ZNF648: variants seen among roughly 807,000 people sequenced by gnomAD.
ZNF648 encodes the protein zinc finger protein 648.
In ZNF648, 1 loss-of-function variant was observed where a neutral mutation model predicts 0.3. The observed-to-expected ratio is 3.90, with a 90% CI of 1.39 to 18.51. The LOEUF (loss-of-function observed/expected upper bound fraction) is 18.51, where lower values mean the gene tolerates loss of function less well. Among genes scored for constraint, ZNF648 ranks in the 30% most tolerant of loss-of-function variants. The pLI, the probability that ZNF648 is intolerant of heterozygous loss-of-function variation, is 0.11. For missense variants in ZNF648, 874 were observed against 769.7 expected, an observed-to-expected ratio of 1.14 and a Z score of -1.60; for synonymous variants, 376 against 326.8, an observed-to-expected ratio of 1.15 and a Z score of -1.62.
intron 1 of ZNF648, among the ~76,000 whole-genome samples, chr1:182,060,483 A>G (rs1666013202): frequency 6.6e-6 from 1 of 152,188 alleles, no homozygotes; most frequent in Non-Finnish European, 1.5e-5. Flanking sequence ...TCTGCTCTGG[A>G]TACAGAAGCC....
At chr1:182,065,653 G>A (rs1249033522), upstream of ZNF648, among the ~76,000 whole-genome samples, 2 of 152,164 alleles carry the variant, frequency 1.3e-5, no homozygotes, top group Non-Finnish European at 2.9e-5. Context: ...GAGACAAGGT[G>A]TACACAAGCC....
intron 1 of ZNF648, among the ~76,000 whole-genome samples, chr1:182,060,730 T>C (rs774128147): frequency 1.1e-4 from 17 of 152,144 alleles, no homozygotes; most frequent in Admixed American, 2.0e-4. Flanking sequence ...GCCAACCTCA[T>C]AGAACTTGCT....
At chr1:182,067,660 G>A in the ZNF648 span, among the ~76,000 whole-genome samples, 2 of 152,154 alleles carry the variant, frequency 1.3e-5, no homozygotes, top group Non-Finnish European at 2.9e-5. Context: ...CCCTTTCCAA[G>A]CTTCTCAAGA....
rs1388508784 is a variant in ZNF648 at position 182,056,807 on chromosome 1, C to G, written c.1204G>C (p.Ala402Pro). Residue 402 changes from alanine (A) to proline (P), a missense_variant, in exon 2 of 2, where the codon GCT becomes CCT. Ala to Pro is a conservative substitution (Grantham distance 27). Coordinates refer to ENST00000339948, the MANE Select transcript of ZNF648 (RefSeq NM_001009992.1). ...FRCPACDREF[A>P]VASRMVEHQR... ...TGCTCCACCATGCGGCTGGCCACAGCGAACTCCCGGTCGCAGGCGGGGCAG... is the reference window on the plus strand; with the variant it reads ...TGCTCCACCATGCGGCTGGCCACAGGGAACTCCCGGTCGCAGGCGGGGCAG... 5 of 1,548,916 alleles carry G rather than the reference C, an allele frequency of 3.2e-6. No individual in the cohort carries two copies. The African/African-American group carries it at 7.0e-5, about 22-fold the overall frequency.
the ZNF648 span, among the ~76,000 whole-genome samples, chr1:182,068,019 T>A: frequency 6.6e-6 from 1 of 152,204 alleles, no homozygotes; most frequent in East Asian, 1.9e-4. Context: ...ACTTTACTGG[T>A]CCTTCTGGGC....
chr1:182,067,263 C>G, the ZNF648 span, among the ~76,000 whole-genome samples: 1 of 152,154 alleles, frequency 6.6e-6, no homozygotes. Flanking sequence ...TGACATCAGG[C>G]TACTTGGGTA....
the ZNF648 span, among the ~76,000 whole-genome samples, chr1:182,068,873 A>G: frequency 6.7e-6 from 1 of 150,352 alleles, no homozygotes; most frequent in African/African-American, 2.5e-5. Context: ...CCATGATCAA[A>G]CCACTGCACT....
chr1:182,068,875 C>T, the ZNF648 span, among the ~76,000 whole-genome samples: 1 of 147,110 alleles, frequency 6.8e-6, no homozygotes, highest in Admixed American at 6.9e-5. Flanking sequence ...ATGATCAAAC[C>T]ACTGCACTCC....
intron 1 of ZNF648, among the ~76,000 whole-genome samples, chr1:182,060,908 C>A (rs946733475): frequency 2.6e-5 from 4 of 152,196 alleles, no homozygotes; most frequent in African/African-American, 9.7e-5. Context: ...GCTCCCCACC[C>A]CACCTCCAGC....
upstream of ZNF648, chr1:182,062,568 C>T (rs1666045669): frequency 6.6e-6 from 1 of 152,000 alleles, no homozygotes; most frequent in African/African-American, 2.4e-5. Context: ...AAAACAGGGA[C>T]CAGGATACTA....
rs1390804798 is a variant in ZNF648, at chr1:182,057,245, C to G, written c.766G>C (p.Gly256Arg). ...EARPYRCLRG[G>R]RAFQKPSKPL... Reference sequence around the variant, plus strand: ...TTGCTGGGCTTCTGAAAGGCCCGCCCGCCCCGCAGGCACCTGTAGGGACGC... The same window carrying G: ...TTGCTGGGCTTCTGAAAGGCCCGCCGGCCCCGCAGGCACCTGTAGGGACGC... Residue 256 changes from glycine to arginine, a missense_variant, in exon 2 of 2, where the codon GGG (glycine) becomes CGG (arginine). Coordinates refer to ENST00000339948, the MANE Select transcript of ZNF648 (RefSeq NM_001009992.1). 2.5e-6 allele frequency: 4 copies of G among 1,572,598 alleles called. No individual in the cohort carries two copies. The highest frequency in any genetic ancestry group is 3.4e-6 in the Non-Finnish European group (4 of 1,165,870).
intron 1 of ZNF648, among the ~76,000 whole-genome samples, chr1:182,061,142 C>T (rs910901267): frequency 2.0e-5 from 3 of 152,232 alleles, no homozygotes; most frequent in Non-Finnish European, 2.9e-5. Context: ...CGCATGCTCT[C>T]GACCACCAGG....
rs990831979 is a variant in ZNF648 at position 182,057,393 on chromosome 1, T to A, written c.618A>T (p.Thr206=). The part of the protein sequence containing the change: ...GSNWDLPTQE[T]HTPAQASATP... ...TGGCCGACGCCTGGGCTGGTGTATG[T>A]GTCTCTTGCGTGGGAAGGTCCCAGT... The change falls in exon 2 of 2, where the codon ACA becomes ACT. Residue 206 remains threonine (T), a synonymous_variant. Coordinates refer to ENST00000339948, the MANE Select transcript of ZNF648 (RefSeq NM_001009992.1). 6.2e-7 allele frequency: 1 copy of A among 1,613,638 alleles called. No homozygotes were observed. Among genetic ancestry groups the A allele is most frequent in the African/African-American group, 1.3e-5 (1 of 74,936 alleles).
Position 182,057,255 on chromosome 1 carries a change from G to A in ZNF648, c.756C>T (p.Cys252=), listed in dbSNP as rs200697185. 2.7e-4 allele frequency: 427 copies of A among 1,580,586 alleles called. 1 individual carries two copies. In the African/African-American group the frequency reaches 5.2e-3, roughly 19 times the overall value. Residue 252 remains cysteine (C), a synonymous_variant, in exon 2 of 2, where the codon TGC becomes TGT. Coordinates refer to ENST00000339948, the MANE Select transcript of ZNF648 (RefSeq NM_001009992.1). ...TCTGAAAGGCCCGCCCGCCCCGCAG[G>A]CACCTGTAGGGACGCGCCTCAGCCT... is the stretch of plus-strand genomic sequence containing the variant. ...GGEAEARPYR[C]LRGGRAFQKP...
chr1:182,067,623 C>T, the ZNF648 span, among the ~76,000 whole-genome samples: 3 of 152,278 alleles, frequency 2.0e-5, no homozygotes, highest in East Asian at 1.9e-4. Context: ...TCTCTGGAGC[C>T]ACTTCTGGAG....
At chr1:182,065,254 T>C (rs550688322), upstream of ZNF648, among the ~76,000 whole-genome samples, 2 of 152,260 alleles carry the variant, frequency 1.3e-5, no homozygotes, top group East Asian at 1.9e-4. Flanking sequence ...GCTTGGCCTT[T>C]GCTTGACTCT....
At position 182,056,990 on chromosome 1, in the gene ZNF648, C is replaced by A. The variant is rs756746888; in HGVS notation, c.1021G>T (p.Gly341Trp). 6.2e-7 allele frequency: 1 copy of A among 1,613,742 alleles called. No homozygotes were observed. ...GEKPYPCPDC[G>W]KAFVRSSDLR... ...TCCGAAGAGCGCACGAAGGCCTTCC[C>A]GCAGTCTGGACACGGGTAGGGTTTC... Residue 341 changes from glycine (G) to tryptophan (W), a missense_variant, in exon 2 of 2, where the codon GGG becomes TGG. By Grantham distance (184) the Gly-to-Trp change is radical. Transcript: ENST00000339948.
chr1:182,056,432 T>C lies in ZNF648; in HGVS notation c.1579A>G (p.Asn527Asp), dbSNP rs116584693. The change falls in exon 2 of 2, where the codon AAC becomes GAC. Residue 527 changes from asparagine to aspartate, a missense_variant. Coordinates refer to ENST00000339948, the MANE Select transcript of ZNF648 (RefSeq NM_001009992.1). Reference sequence around the variant, plus strand: ...TCACACTGGTAGGGCCTCTCTCCGTTGTGCATTCGTATGTGCTGGGCCAAC... The same window carrying C: ...TCACACTGGTAGGGCCTCTCTCCGTCGTGCATTCGTATGTGCTGGGCCAAC... ...SELAQHIRMH[N>D]GERPYQCEDC... is the part of the protein sequence containing the mutation. 491 of 1,614,156 alleles carry C rather than the reference T, an allele frequency of 3.0e-4. 4 individuals are homozygous for C. The African/African-American group carries it at 5.9e-3, about 19-fold the overall frequency.
intron 1 of ZNF648, among the ~76,000 whole-genome samples, chr1:182,058,902 G>A (rs1011832705): frequency 6.6e-6 from 1 of 152,196 alleles, no homozygotes; most frequent in Non-Finnish European, 1.5e-5. Context: ...TTGGCTCACT[G>A]CAACCTCTGC....
Sources: allele counts gnomAD v4.1 joint callset (sites outside exome capture counted in the v4.1 genomes callset), GRCh38; gene constraint gnomAD v4.1.1; transcripts MANE v1.5; gene names NCBI Gene and HGNC (gene_info 2026-07-23, HGNC 2026-07-21).